The following TENM1 variants were observed in gnomAD, a reference collection of about 807,000 sequenced individuals.
TENM1 encodes the protein teneurin transmembrane protein 1.
Under a neutral mutation model 174.8 loss-of-function variants are expected in TENM1, and 35 were observed. The observed-to-expected ratio is 0.20, with a 90% CI of 0.15 to 0.27. The LOEUF (loss-of-function observed/expected upper bound fraction) is 0.27, where lower values mean the gene tolerates loss of function less well. Among genes scored for constraint, TENM1 ranks in the 10% least tolerant of loss-of-function variants. The probability of loss-of-function intolerance (pLI) is 1.00; values close to 1 mark genes in which losing one functional copy is unlikely to be tolerated. For missense variants in TENM1, 1,633 were observed against 2,130.1 expected (o/e 0.77, Z 4.59); for synonymous variants, 781 against 798.7 (o/e 0.98, Z 0.37).
At chrX:124,648,171 C>T (rs2051209100) in intron 8 of TENM1, among the ~76,000 whole-genome samples, 1 of 112,071 alleles carries the variant, frequency 8.9e-6, no homozygotes, top group African/African-American at 3.2e-5. Flanking sequence ...ACAATCACCA[C>T]ATGAGAACAT....
chrX:124,606,371 C>T (rs1193505556), intron 11 of TENM1, among the ~76,000 whole-genome samples: 2 of 111,205 alleles, frequency 1.8e-5, no homozygotes. Flanking sequence ...AACATGCTGT[C>T]CCATTGACTA....
At chrX:125,022,410 G>C in the TENM1 span, among the ~76,000 whole-genome samples, 1 of 111,706 alleles carries the variant, frequency 9.0e-6, no homozygotes, top group Admixed American at 9.5e-5. Context: ...GATAAAATTT[G>C]TTTGAAAACA....
chrX:125,119,324 G>C, the TENM1 span, among the ~76,000 whole-genome samples: 7 of 111,836 alleles, frequency 6.3e-5, no homozygotes, highest in South Asian at 2.6e-3. Context: ...CCTCTGTGGT[G>C]AGAACAGTTA....
intron 3 of TENM1, among the ~76,000 whole-genome samples, chrX:124,766,338 C>T (rs772214257): frequency 1.3e-4 from 14 of 111,320 alleles, no homozygotes; most frequent in Non-Finnish European, 2.3e-4. Flanking sequence ...GGTTATGAAA[C>T]CAATTTTGAC....
chrX:124,921,256 A>T (rs2058017081), intron 1 of TENM1, among the ~76,000 whole-genome samples: 1 of 110,634 alleles, frequency 9.0e-6, no homozygotes, highest in Admixed American at 9.7e-5. Flanking sequence ...GACAAAATTA[A>T]TAAATAACTC....
intron 15 of TENM1, 111 bp downstream of exon 18, chrX:124,546,763 G>A (rs898129912): frequency 2.3e-5 from 15 of 641,295 alleles, no homozygotes; most frequent in Non-Finnish European, 3.4e-5. Flanking sequence ...AGAAATGAAC[G>A]TGGATTATGT....
chrX:124,838,751 TTCTCTC>T (rs1183227138), intron 3 of TENM1, among the ~76,000 whole-genome samples: 2 of 111,058 alleles, frequency 1.8e-5, no homozygotes, highest in Non-Finnish European at 3.8e-5. Flanking sequence ...GAAAAAAGTG[TTCTCTC>T]TCTGTCTCTC....
the TENM1 span, among the ~76,000 whole-genome samples, chrX:125,122,496 A>G: frequency 3.6e-5 from 4 of 111,926 alleles, no homozygotes; most frequent in African/African-American, 9.7e-5. Context: ...ATTCATTTTT[A>G]AAATCAATTT....
chrX:124,860,865 A>T (rs1053104411), intron 3 of TENM1, among the ~76,000 whole-genome samples: 1 of 111,837 alleles, frequency 8.9e-6, no homozygotes, highest in Non-Finnish European at 1.9e-5. Flanking sequence ...GTGATAAAAA[A>T]AAATTCTGAA....
chrX:124,501,341 G>A (rs1337425788), intron 19 of TENM1, among the ~76,000 whole-genome samples: 1 of 111,313 alleles, frequency 9.0e-6, no homozygotes, highest in Admixed American at 9.6e-5. Context: ...CCTAATATTG[G>A]GAAACAATTC....
chrX:125,181,988 A>G, the TENM1 span, among the ~76,000 whole-genome samples: 1 of 111,761 alleles, frequency 8.9e-6, no homozygotes, highest in Non-Finnish European at 1.9e-5. Context: ...ATAAATTACC[A>G]CAAAATTGAC....
chrX:124,763,454 G>A (rs1170964432), intron 3 of TENM1, among the ~76,000 whole-genome samples: 1 of 110,871 alleles, frequency 9.0e-6, no homozygotes, highest in African/African-American at 3.3e-5. Flanking sequence ...AAGTATAATG[G>A]TGAAGGTGAA....
In TENM1 at chrX:124,563,671, C is replaced by T. The variant is rs906387588; in HGVS notation, c.2287+78G>A. ...AACAAACAACACAAATGCCAAAAAACGCTACCCTTTCTTTCTTACATGCAT... is the reference window on the plus strand; with the variant it reads ...AACAAACAACACAAATGCCAAAAAATGCTACCCTTTCTTTCTTACATGCAT... On this transcript the variant is annotated intron_variant, in intron 13 of 31. Coordinates refer to ENST00000422452, the Ensembl canonical transcript of TENM1. The T allele has an allele frequency of 8.8e-5, 71 of 805,393 alleles. 1 individual carries two copies. Among genetic ancestry groups the T allele is most frequent in the Middle Eastern group, 4.4e-4 (1 of 2,265 alleles). The allele number at this position is 805,393 out of a possible 1,213,427, so 66.4% of individuals were successfully genotyped here.
At chrX:124,596,138 C>T (rs756103125) in intron 11 of TENM1, among the ~76,000 whole-genome samples, 3 of 111,878 alleles carry the variant, frequency 2.7e-5, no homozygotes, top group Non-Finnish European at 3.8e-5. Flanking sequence ...AATCACAAAG[C>T]GATTTCTGAA....
chrX:125,050,180 C>CT, the TENM1 span, among the ~76,000 whole-genome samples: 337 of 104,685 alleles, frequency 3.2e-3, no homozygotes, highest in Middle Eastern at 9.5e-3. Context: ...TATTATTATA[C>CT]TTCAAGTTTT....
At chrX:124,676,148 A>T (rs1160808799) in intron 5 of TENM1, among the ~76,000 whole-genome samples, 1 of 100,963 alleles carries the variant, frequency 9.9e-6, no homozygotes, top group East Asian at 3.1e-4. Flanking sequence ...AAAATCTCAC[A>T]TACCAGAATA....
At chrX:124,506,704 C>T (rs897881562) in intron 18 of TENM1, among the ~76,000 whole-genome samples, 2 of 111,181 alleles carry the variant, frequency 1.8e-5, no homozygotes, top group Admixed American at 1.9e-4. Context: ...CACAGCAGCC[C>T]ACTTTAACAT....
At chrX:124,529,298 CTTGCT>C (rs1602605722) in intron 16 of TENM1, among the ~76,000 whole-genome samples, 1 of 111,903 alleles carries the variant, frequency 8.9e-6, no homozygotes, top group Non-Finnish European at 1.9e-5. Context: ...ACTTCAAGGT[CTTGCT>C]TCTCAGATCT....
chrX:124,918,345 A>G (rs1964861124), intron 1 of TENM1, among the ~76,000 whole-genome samples: 1 of 110,063 alleles, frequency 9.1e-6, no homozygotes, highest in Admixed American at 9.7e-5. Context: ...ACGTCTGGCT[A>G]ATTTTTGTAT....
Sources: allele counts gnomAD v4.1 joint callset (sites outside exome capture counted in the v4.1 genomes callset), GRCh38; gene constraint gnomAD v4.1.1; transcripts MANE v1.5; gene names NCBI Gene and HGNC (gene_info 2026-07-23, HGNC 2026-07-21).